Variants in UGGT2 observed in about 807,000 individuals in gnomAD.
UGGT2 encodes UDP-glucose glycoprotein glucosyltransferase 2.
A neutral mutation model predicts 192.1 loss-of-function variants in UGGT2; 180 were observed. The observed-to-expected ratio is 0.94, with a 90% CI of 0.83 to 1.06. The LOEUF is 1.06. UGGT2 is among the 50% of genes least tolerant of loss of function. The probability of loss-of-function intolerance (pLI) is 0.00; values close to 1 mark genes in which losing one functional copy is unlikely to be tolerated. For missense variants in UGGT2, 1,849 were observed against 1,795.7 expected (o/e 1.03, Z -0.54); for synonymous variants, 580 against 591.0 (o/e 0.98, Z 0.27).
rs2051281180 is a variant in UGGT2, at chr13:95,986,093, T to C, written c.1031+240A>G. On this transcript the variant is annotated intron_variant, in intron 9 of 38. Transcript: ENST00000376747. Reference sequence around the variant, plus strand: ...TGATTTTAGAAAATTTTTTAGGACTTTTTTTCCTATTTGCCTCTAACAAGA... The same window carrying C: ...TGATTTTAGAAAATTTTTTAGGACTCTTTTTCCTATTTGCCTCTAACAAGA... Among the ~76,000 whole-genome samples the C allele has an allele frequency of 2.6e-5, 4 of 152,032 alleles. No homozygotes were observed. In the South Asian group the frequency reaches 8.3e-4, roughly 32 times the overall value.
intron 7 of UGGT2, 185 bp downstream of exon 7, chr13:95,995,878 C>T (rs1055593107): frequency 1.2e-5 from 7 of 570,264 alleles, no homozygotes; most frequent in Non-Finnish European, 2.2e-5. Context: ...TGCTTTTCTG[C>T]TTTCTGTAGC....
Position 95,875,554 on chromosome 13 carries a change from A to T in UGGT2, c.3473+1725T>A, listed in dbSNP as rs377114789. On this transcript the variant is annotated intron_variant, in intron 29 of 38. Coordinates refer to ENST00000376747, the MANE Select transcript of UGGT2 (RefSeq NM_020121.4). ...TAACTTTCCAAACGAAAAACTTCTA[A>T]ATTCTAAAACACATATGGCCCTAAG... 1.8e-4 allele frequency among the ~76,000 whole-genome samples: 28 copies of T among 152,338 alleles called. 1 individual carries two copies. In the East Asian group the frequency reaches 2.1e-3, roughly 12 times the overall value.
At chr13:95,918,600 G>GA (rs906883564) in intron 20 of UGGT2, among the ~76,000 whole-genome samples, 5 of 151,880 alleles carry the variant, frequency 3.3e-5, no homozygotes, top group Admixed American at 6.6e-5. Flanking sequence ...CCTGTTTTTA[G>GA]AAAAAAAGTA....
intron 15 of UGGT2, among the ~76,000 whole-genome samples, chr13:95,944,915 G>C (rs918603888): frequency 6.6e-6 from 1 of 151,710 alleles, no homozygotes. Flanking sequence ...TACTATTATA[G>C]TGAAACTGTC....
intron 1 of UGGT2, among the ~76,000 whole-genome samples, chr13:96,041,718 A>T (rs141565353): frequency 0.013 from 1,963 of 152,232 alleles, 41 homozygotes; most frequent in African/African-American, 0.045. Context: ...TTTGGGTTGC[A>T]TGGGAGCTGG....
In UGGT2 at chr13:95,853,571, T is replaced by C. The variant is rs1889271288; in HGVS notation, c.4256A>G (p.Asp1419Gly). Residue 1419 changes from aspartate (D) to glycine (G), a missense_variant, in exon 36 of 39, where the codon GAT becomes GGT. Coordinates refer to ENST00000376747, the MANE Select transcript of UGGT2 (RefSeq NM_020121.4). ...ATCTAGGTTTGAAAGACTGTTTGGA[T>C]CTTGACTGAGAGCTTGATACTGGCT... ...LRSQYQALSQDPNSLSNLDQD... is the reference protein window; with the variant it reads ...LRSQYQALSQGPNSLSNLDQD... 3 of 1,612,048 alleles carry C rather than the reference T, an allele frequency of 1.9e-6. No individual in the cohort carries two copies. In the East Asian group the frequency reaches 6.7e-5, roughly 36 times the overall value.
intron 8 of UGGT2, among the ~76,000 whole-genome samples, chr13:95,988,650 T>C (rs73562923): frequency 0.016 from 2,468 of 152,284 alleles, 68 homozygotes; most frequent in African/African-American, 0.057. Context: ...GATTTTCTAA[T>C]GATACAGGGC....
At chr13:95,992,977 A>G (rs1031884788) in intron 7 of UGGT2, among the ~76,000 whole-genome samples, 12 of 152,336 alleles carry the variant, frequency 7.9e-5, no homozygotes, top group African/African-American at 2.9e-4. Flanking sequence ...TCATATGTTC[A>G]TCATAGCACT....
intron 27 of UGGT2, among the ~76,000 whole-genome samples, chr13:95,878,246 A>T (rs2047395927): frequency 6.6e-6 from 1 of 152,140 alleles, no homozygotes; most frequent in Non-Finnish European, 1.5e-5. Context: ...GTAATTAAAA[A>T]AATTAATGTC....
intron 38 of UGGT2, among the ~76,000 whole-genome samples, chr13:95,820,083 C>G (rs564101299): frequency 6.6e-6 from 1 of 152,036 alleles, no homozygotes; most frequent in Non-Finnish European, 1.5e-5. Flanking sequence ...ACTTGAACCT[C>G]GGAGGCAGAG....
chr13:96,023,015 T>G, intron 4 of UGGT2, 25 bp downstream of exon 4: 1 of 1,528,298 alleles, frequency 6.5e-7, no homozygotes, highest in Non-Finnish European at 8.8e-7. Flanking sequence ...ACCACTTCTT[T>G]CATTATAGGC....
intron 12 of UGGT2, among the ~76,000 whole-genome samples, chr13:95,953,623 T>A (rs775831977): frequency 6.6e-6 from 1 of 151,992 alleles, no homozygotes; most frequent in Non-Finnish European, 1.5e-5. Flanking sequence ...AAGAAGAAAA[T>A]TTTTTCTTGC....
chr13:95,955,652 C>G (rs1447265389), intron 12 of UGGT2, among the ~76,000 whole-genome samples: 2 of 152,184 alleles, frequency 1.3e-5, no homozygotes, highest in Non-Finnish European at 2.9e-5. Context: ...GCCCCACACT[C>G]TTTCCCTCAA....
intron 22 of UGGT2, among the ~76,000 whole-genome samples, chr13:95,896,140 C>A (rs564986285): frequency 6.6e-6 from 1 of 152,070 alleles, no homozygotes; most frequent in South Asian, 2.1e-4. Context: ...TCAGAAAACA[C>A]GTCAACCAGA....
At chr13:95,861,490 G>A (rs193030961) in intron 31 of UGGT2, among the ~76,000 whole-genome samples, 23 of 152,100 alleles carry the variant, frequency 1.5e-4, no homozygotes, top group African/African-American at 4.3e-4. Context: ...TCATGGTAGC[G>A]TCATCTGGGC....
intron 38 of UGGT2, among the ~76,000 whole-genome samples, chr13:95,805,090 C>CA (rs1323632918): frequency 1.3e-4 from 19 of 151,688 alleles, no homozygotes; most frequent in African/African-American, 3.6e-4. Flanking sequence ...AACTCAAAAA[C>CA]AAAAAATCAA....
At chr13:95,902,530 C>A (rs937600658) in intron 21 of UGGT2, among the ~76,000 whole-genome samples, 1 of 151,876 alleles carries the variant, frequency 6.6e-6, no homozygotes, top group Admixed American at 6.6e-5. Context: ...AAACCCCCCC[C>A]ATAATGGACC....
intron 14 of UGGT2, 80 bp downstream of exon 14, chr13:95,947,916 A>T: frequency 8.1e-7 from 1 of 1,229,576 alleles, no homozygotes. Flanking sequence ...TGAATGCCCT[A>T]TTAATACTCT....
intron 24 of UGGT2, among the ~76,000 whole-genome samples, chr13:95,892,463 T>C: frequency 6.6e-6 from 1 of 152,090 alleles, no homozygotes; most frequent in East Asian, 1.9e-4. Flanking sequence ...AGAAGAATAC[T>C]GTCAAGCACA....
Sources: gnomAD v4.1 joint callset for allele counts (sites outside exome capture counted in the v4.1 genomes callset) on GRCh38, gnomAD v4.1.1 for gene constraint, MANE v1.5 for transcripts, NCBI Gene and HGNC (gene_info 2026-07-23, HGNC 2026-07-21) for gene names.